Variants in VPS13B observed in about 807,000 individuals in gnomAD.
VPS13B encodes intermembrane lipid transfer protein VPS13B.
Under a neutral mutation model 426.4 loss-of-function variants are expected in VPS13B, and 285 were observed. The observed-to-expected ratio is 0.67, with a 90% CI of 0.61 to 0.74. The LOEUF (loss-of-function observed/expected upper bound fraction) is 0.74. VPS13B is among the 30% of genes least tolerant of loss of function. VPS13B has a pLI of 0.00. For missense variants in VPS13B, 4,537 were observed against 4,782.6 expected (o/e 0.95, Z 1.51); for synonymous variants, 1,676 against 1,676.4 (o/e 1.00, Z 0.01).
chr8:99,760,317 C>CA (rs1427025735), intron 39 of VPS13B, among the ~76,000 whole-genome samples: 1 of 152,068 alleles, frequency 6.6e-6, no homozygotes, highest in Non-Finnish European at 1.5e-5. Flanking sequence ...CTATAGTATC[C>CA]AAAATCTTTG....
chr8:99,424,069 T>G lies in VPS13B; in HGVS notation c.3083-7468T>G, dbSNP rs897973522. 5.9e-5 allele frequency among the ~76,000 whole-genome samples: 9 copies of G among 152,198 alleles called. No individual in the cohort carries two copies. In the East Asian group the frequency reaches 1.5e-3, roughly 26 times the overall value. On this transcript the variant is annotated intron_variant, in intron 21 of 61. Coordinates refer to ENST00000357162, the MANE Select transcript of VPS13B (RefSeq NM_152564.5). The stretch of plus-strand genomic sequence containing the variant: ...AGTCTCTTTGTAGGTCTCTAAGGAC[T>G]TGCTTTATGAATCTGTGTGCTCCTG...
At chr8:99,842,110 C>G (rs911182430) in intron 54 of VPS13B, among the ~76,000 whole-genome samples, 1 of 152,176 alleles carries the variant, frequency 6.6e-6, no homozygotes, top group Non-Finnish European at 1.5e-5. Context: ...TACTCTTTTA[C>G]AAACCACATA....
At chr8:99,198,232 C>T (rs1159299314) in intron 17 of VPS13B, among the ~76,000 whole-genome samples, 1 of 152,058 alleles carries the variant, frequency 6.6e-6, no homozygotes, top group Non-Finnish European at 1.5e-5. Context: ...GGCATTAGCA[C>T]TTATCACTGT....
rs1817717627 is a variant in VPS13B at position 99,876,739 on chromosome 8, A to T, written c.*1073A>T. The T allele has an allele frequency of 6.6e-6, 1 of 152,178 alleles. No individual in the cohort carries two copies. The highest frequency in any genetic ancestry group is 6.5e-5 in the Admixed American group (1 of 15,284). The allele number at this position is 152,178 out of a possible 1,614,324, so 9.4% of individuals were successfully genotyped here. A position where few individuals can be genotyped will look rare whatever the true frequency, so the allele number is the denominator to read the frequency against. On this transcript the variant is annotated 3_prime_UTR_variant, in exon 62 of 62. Coordinates refer to ENST00000357162, the MANE Select transcript of VPS13B (RefSeq NM_152564.5). ...TAAATGTTCAGTAAATATCTTTCTT[A>T]CAGTCCAGTAGCTTAGAGCATGTTT...
At position 99,642,243 on chromosome 8, in the gene VPS13B, G is replaced by A. The variant is rs1829399240; in HGVS notation, c.5653G>A (p.Gly1885Arg). 1.9e-6 allele frequency: 3 copies of A among 1,613,968 alleles called. No individual in the cohort carries two copies. Among genetic ancestry groups the A allele is most frequent in the Non-Finnish European group, 1.7e-6 (2 of 1,179,962 alleles). ...AAGGAGCAGCATTTCTTTTCCTTCA[G>A]GGAAAAAAATAGGGGTCCTCTCTCT... ...LLRSSISFPS[G>R]KKIGVLSLES... Residue 1885 changes from glycine (G) to arginine (R), a missense_variant, in exon 34 of 62, where the codon GGG (glycine) becomes AGG (arginine). Around this residue, in one of 2 missense-constraint regions of VPS13B, gnomAD observed 4,311 missense variants for 4,474.3 expected, o/e 0.96. Coordinates refer to ENST00000357162, the MANE Select transcript of VPS13B (RefSeq NM_152564.5).
intron 45 of VPS13B, 109 bp downstream of exon 45, chr8:99,817,912 A>G: frequency 6.5e-7 from 1 of 1,539,982 alleles, no homozygotes; most frequent in Non-Finnish European, 8.9e-7. Flanking sequence ...CATATAAAAA[A>G]GGGGAGTGAA....
chr8:99,649,460 A>T (rs1440775504), intron 34 of VPS13B, among the ~76,000 whole-genome samples: 6 of 152,036 alleles, frequency 3.9e-5, no homozygotes. Flanking sequence ...TCACTTCTAA[A>T]ATTTCCATTT....
chr8:99,225,192 C>A (rs1815946717), intron 17 of VPS13B, among the ~76,000 whole-genome samples: 1 of 152,198 alleles, frequency 6.6e-6, no homozygotes, highest in Non-Finnish European at 1.5e-5. Context: ...CCCAGAACAT[C>A]TTCCTGAAAC....
intron 3 of VPS13B, among the ~76,000 whole-genome samples, chr8:99,089,671 A>G (rs1321577957): frequency 6.6e-6 from 1 of 152,134 alleles, no homozygotes; most frequent in Non-Finnish European, 1.5e-5. Context: ...TATTATGCAG[A>G]TGAAGTTTCC....
chr8:99,446,638 C>A (rs2133450140), intron 23 of VPS13B, among the ~76,000 whole-genome samples: 1 of 151,918 alleles, frequency 6.6e-6, no homozygotes, highest in East Asian at 1.9e-4. Flanking sequence ...TAATCTAGTT[C>A]ATTAATTTTC....
At chr8:99,491,715 G>A (rs190400751) in intron 25 of VPS13B, among the ~76,000 whole-genome samples, 1 of 152,244 alleles carries the variant, frequency 6.6e-6, no homozygotes, top group Admixed American at 6.5e-5. Context: ...GCTCCATCAG[G>A]TCATTTAAGG....
intron 21 of VPS13B, among the ~76,000 whole-genome samples, chr8:99,421,201 T>G (rs1816349930): frequency 6.6e-6 from 1 of 152,192 alleles, no homozygotes; most frequent in Non-Finnish European, 1.5e-5. Flanking sequence ...TGTACCAAGT[T>G]GAATGGTTCA....
chr8:99,573,825 A>G (rs1428615198), intron 31 of VPS13B, among the ~76,000 whole-genome samples: 1 of 152,090 alleles, frequency 6.6e-6, no homozygotes, highest in African/African-American at 2.4e-5. Flanking sequence ...AGTTTTTTCC[A>G]ATTCTGTGAA....
chr8:99,534,444 T>C (rs1257415528), intron 30 of VPS13B, among the ~76,000 whole-genome samples: 2 of 152,174 alleles, frequency 1.3e-5, no homozygotes, highest in Non-Finnish European at 2.9e-5. Flanking sequence ...AATGTTTGGG[T>C]TCCCATCATA....
At chr8:99,532,562 A>G (rs1822986504) in intron 30 of VPS13B, among the ~76,000 whole-genome samples, 1 of 152,034 alleles carries the variant, frequency 6.6e-6, no homozygotes, top group Non-Finnish European at 1.5e-5. Flanking sequence ...AGAAGTATAT[A>G]CAGAATTTGT....
At chr8:99,579,393 A>G (rs1380599195) in intron 33 of VPS13B, among the ~76,000 whole-genome samples, 1 of 152,128 alleles carries the variant, frequency 6.6e-6, no homozygotes, top group Non-Finnish European at 1.5e-5. Flanking sequence ...CAACACTACC[A>G]GAATTTTTTT....
chr8:99,081,912 C>G (rs1385935553), intron 3 of VPS13B, among the ~76,000 whole-genome samples: 1 of 152,068 alleles, frequency 6.6e-6, no homozygotes, highest in African/African-American at 2.4e-5. Flanking sequence ...AATAGTGCCT[C>G]AATAAACATA....
chr8:99,265,056 A>G (rs960160244), intron 17 of VPS13B, among the ~76,000 whole-genome samples: 2 of 152,110 alleles, frequency 1.3e-5, no homozygotes, highest in African/African-American at 4.8e-5. Flanking sequence ...TTTTAAATAA[A>G]TGTTCATTTC....
chr8:99,262,671 T>C (rs2132954342), intron 17 of VPS13B, among the ~76,000 whole-genome samples: 1 of 152,216 alleles, frequency 6.6e-6, no homozygotes, highest in East Asian at 1.9e-4. Flanking sequence ...TTTACCTCTT[T>C]TCTCTTTCAG....
Sources: gnomAD v4.1 joint callset for allele counts (sites outside exome capture counted in the v4.1 genomes callset) on GRCh38, gnomAD v4.1.1 for gene constraint, gnomAD v4.1.1 regional missense constraint, MANE v1.5 for transcripts, NCBI Gene and HGNC (gene_info 2026-07-23, HGNC 2026-07-21) for gene names.